The following DPYD variants were observed in gnomAD, a reference collection of about 807,000 sequenced individuals.
DPYD encodes the protein dihydropyrimidine dehydrogenase [NADP(+)].
Under a neutral mutation model 116.2 loss-of-function variants are expected in DPYD, and 109 were observed. The observed-to-expected ratio is 0.94, with a 90% CI of 0.80 to 1.10. DPYD has a LOEUF of 1.10. Among genes scored for constraint, DPYD ranks in the 50% least tolerant of loss-of-function variants. The pLI is 0.00. For missense variants in DPYD, 1,302 were observed against 1,254.5 expected, an observed-to-expected ratio of 1.04 and a Z score of -0.57; for synonymous variants, 440 against 432.0, an observed-to-expected ratio of 1.02 and a Z score of -0.23.
chr1:97,891,941 T>C (rs914622968), intron 1 of DPYD, among the ~76,000 whole-genome samples: 3 of 151,962 alleles, frequency 2.0e-5, no homozygotes, highest in African/African-American at 4.8e-5. Context: ...ATTAAAATGA[T>C]ACACATGTTG....
At chr1:97,135,065 A>AT (rs1653683416) in intron 20 of DPYD, among the ~76,000 whole-genome samples, 1 of 151,972 alleles carries the variant, frequency 6.6e-6, no homozygotes, top group Non-Finnish European at 1.5e-5. Flanking sequence ...TTAATCCACC[A>AT]TTTTTCTGAG....
intron 3 of DPYD, among the ~76,000 whole-genome samples, chr1:97,752,719 C>G (rs1222110415): frequency 1.3e-5 from 2 of 152,150 alleles, no homozygotes; most frequent in African/African-American, 4.8e-5. Flanking sequence ...TCCTGTGAAA[C>G]CCCCTGGCTA....
At chr1:97,707,688 A>T (rs1662056535) in intron 5 of DPYD, among the ~76,000 whole-genome samples, 1 of 151,974 alleles carries the variant, frequency 6.6e-6, no homozygotes, top group Non-Finnish European at 1.5e-5. Context: ...TAGCAAACTG[A>T]GCAGACTAAG....
intron 9 of DPYD, 34 bp downstream of exon 9, chr1:97,595,025 C>G (rs1406040661): frequency 5.7e-6 from 8 of 1,414,666 alleles, no homozygotes; most frequent in Non-Finnish European, 6.9e-6. Flanking sequence ...AAATAGCATA[C>G]TCACTATTAA....
rs540988588 is a variant in DPYD, at chr1:97,282,429, G to A, written c.2299+22830C>T. 1.1e-3 allele frequency among the ~76,000 whole-genome samples: 167 copies of A among 151,648 alleles called. 2 individuals are homozygous for A. Among genetic ancestry groups the A allele is most frequent in the Non-Finnish European group, 1.7e-3 (116 of 67,872 alleles). On this transcript the variant is annotated intron_variant, in intron 18 of 22. Transcript: ENST00000370192. Reference sequence around the variant, plus strand: ...TCTTTTTTTCAGAGATGCAGAGGTTGTTTAATATTAGGAAATACATTAATA... The same window carrying A: ...TCTTTTTTTCAGAGATGCAGAGGTTATTTAATATTAGGAAATACATTAATA...
At chr1:97,488,860 G>A (rs1034467440) in intron 13 of DPYD, among the ~76,000 whole-genome samples, 3 of 152,228 alleles carry the variant, frequency 2.0e-5, no homozygotes, top group African/African-American at 7.2e-5. Flanking sequence ...GTAATCAAAA[G>A]TGGGTATAAA....
intron 16 of DPYD, among the ~76,000 whole-genome samples, chr1:97,371,938 A>G (rs1671330765): frequency 6.6e-6 from 1 of 152,206 alleles, no homozygotes; most frequent in African/African-American, 2.4e-5. Flanking sequence ...CTCTGATTGC[A>G]AAGTTTTAGC....
chr1:97,495,986 C>A (rs1296799226), intron 13 of DPYD, among the ~76,000 whole-genome samples: 1 of 152,016 alleles, frequency 6.6e-6, no homozygotes, highest in African/African-American at 2.4e-5. Flanking sequence ...AATAAAAGTA[C>A]CTATTGACAG....
chr1:97,411,365 C>T (rs1044653974), intron 14 of DPYD, among the ~76,000 whole-genome samples: 1 of 152,096 alleles, frequency 6.6e-6, no homozygotes, highest in Non-Finnish European at 1.5e-5. Flanking sequence ...TCTCCTTCCT[C>T]CCACTTTATC....
intron 8 of DPYD, among the ~76,000 whole-genome samples, chr1:97,608,694 A>G (rs1655752079): frequency 6.6e-6 from 1 of 151,596 alleles, no homozygotes; most frequent in African/African-American, 2.4e-5. Context: ...ATTTAATAAT[A>G]ATGAAAATTA....
At position 97,692,771 on chromosome 1, in the gene DPYD, A is replaced by T. The variant is rs538485129; in HGVS notation, c.681-973T>A. On this transcript the variant is annotated intron_variant, in intron 6 of 22. Transcript: ENST00000370192. ...AGAATGTGGTACGCACAATGAGAGA[A>T]GTATATCCATTATATCTTTAATGTG... Among the ~76,000 whole-genome samples, 4 of 152,310 alleles carry T rather than the reference A, an allele frequency of 2.6e-5. No homozygotes were observed. In the South Asian group the frequency reaches 8.3e-4, roughly 32 times the overall value.
intron 18 of DPYD, among the ~76,000 whole-genome samples, chr1:97,241,918 T>C (rs1285452162): frequency 6.6e-6 from 1 of 151,330 alleles, no homozygotes; most frequent in Non-Finnish European, 1.5e-5. Flanking sequence ...ATAACACATA[T>C]AAGGATAAAC....
At chr1:97,452,554 C>G (rs1293417188) in intron 13 of DPYD, among the ~76,000 whole-genome samples, 2 of 152,050 alleles carry the variant, frequency 1.3e-5, no homozygotes, top group Non-Finnish European at 2.9e-5. Flanking sequence ...ATACCCCACC[C>G]AAATCTCATG....
intron 20 of DPYD, among the ~76,000 whole-genome samples, chr1:97,174,829 T>A (rs1186938426): frequency 6.6e-6 from 1 of 152,172 alleles, no homozygotes; most frequent in Admixed American, 6.6e-5. Context: ...CAGTTACACT[T>A]TAGACAAATA....
intron 19 of DPYD, among the ~76,000 whole-genome samples, chr1:97,219,324 T>G (rs1297772085): frequency 6.6e-6 from 1 of 152,236 alleles, no homozygotes; most frequent in Non-Finnish European, 1.5e-5. Context: ...GCAAAATCTA[T>G]TCTCATCTGA....
chr1:97,308,746 T>C (rs961299682), intron 16 of DPYD, among the ~76,000 whole-genome samples: 44 of 151,872 alleles, frequency 2.9e-4, no homozygotes, highest in African/African-American at 1.1e-3. Context: ...TGAGATGGCT[T>C]TGCCTTTTGT....
chr1:97,109,059 A>G (rs1254495888), intron 20 of DPYD, among the ~76,000 whole-genome samples: 1 of 152,114 alleles, frequency 6.6e-6, no homozygotes, highest in African/African-American at 2.4e-5. Flanking sequence ...GTAAGCCTCA[A>G]TTTTCATCTG....
intron 19 of DPYD, among the ~76,000 whole-genome samples, chr1:97,208,248 CTTTCTTTCTTTCTTTCTT>C (rs1442811975): frequency 7.5e-6 from 1 of 134,102 alleles, no homozygotes; most frequent in African/African-American, 2.8e-5. Context: ...TCTTCTTTCT[CTTTCTTTCTTTCTTTCTT>C]TTTCTTTCTT....
At chr1:97,789,614 T>C (rs1410047192) in intron 3 of DPYD, among the ~76,000 whole-genome samples, 1 of 152,186 alleles carries the variant, frequency 6.6e-6, no homozygotes, top group Non-Finnish European at 1.5e-5. Context: ...TAGCCTTGTT[T>C]TTTCTGTGCT....
Sources: gnomAD v4.1 joint callset for allele counts (sites outside exome capture counted in the v4.1 genomes callset) on GRCh38, gnomAD v4.1.1 for gene constraint, MANE v1.5 for transcripts, NCBI Gene and HGNC (gene_info 2026-07-23, HGNC 2026-07-21) for gene names.